GSG1L: variants seen among roughly 807,000 people sequenced by gnomAD.
GSG1L encodes GSG1 like.
GSG1L carries 24 observed loss-of-function variants against 42.1 expected under a neutral mutation model. That is an observed-to-expected ratio of 0.57 (90% CI 0.41 to 0.80). The LOEUF is 0.80. Ranked by LOEUF, GSG1L falls within the 30% of genes least tolerant of loss-of-function variation. The probability of loss-of-function intolerance (pLI) is 0.00; values close to 1 mark genes in which losing one functional copy is unlikely to be tolerated. For synonymous variants in GSG1L, 215 were observed against 203.5 expected, an observed-to-expected ratio of 1.06 and a Z score of -0.48; for missense variants, 445 against 472.2, an observed-to-expected ratio of 0.94 and a Z score of 0.53.
intron 3 of GSG1L, among the ~76,000 whole-genome samples, chr16:27,870,035 G>C (rs1483111962): frequency 1.7e-4 from 17 of 97,576 alleles, no homozygotes; most frequent in South Asian, 3.6e-4. Flanking sequence ...CCATCTCTCT[G>C]TCTCCTTCTC....
intron 5 of GSG1L, among the ~76,000 whole-genome samples, chr16:27,825,119 G>T (rs529696803): frequency 6.6e-6 from 1 of 152,318 alleles, no homozygotes; most frequent in Non-Finnish European, 1.5e-5. Flanking sequence ...AAGTGCTGGG[G>T]CACTGAATCA....
chr16:27,829,818 A>C (rs944528195), intron 4 of GSG1L, among the ~76,000 whole-genome samples: 1 of 152,226 alleles, frequency 6.6e-6, no homozygotes, highest in Non-Finnish European at 1.5e-5. Context: ...TCTGGCACAT[A>C]GTAGGCACTC....
At chr16:27,882,832 G>C (rs942677533) in intron 3 of GSG1L, among the ~76,000 whole-genome samples, 1 of 152,192 alleles carries the variant, frequency 6.6e-6, no homozygotes, top group Non-Finnish European at 1.5e-5. Flanking sequence ...TTGGCCAGAC[G>C]TGGTGGCTCA....
chr16:28,026,262 T>C (rs1338100570), intron 1 of GSG1L, among the ~76,000 whole-genome samples: 1 of 152,124 alleles, frequency 6.6e-6, no homozygotes, highest in Admixed American at 6.5e-5. Flanking sequence ...AGTCACTGTG[T>C]GTGACTGAAT....
At chr16:27,839,705 G>T (rs1233143520) in intron 4 of GSG1L, among the ~76,000 whole-genome samples, 1 of 152,196 alleles carries the variant, frequency 6.6e-6, no homozygotes, top group Non-Finnish European at 1.5e-5. Context: ...GGCAATGCTG[G>T]TTGTGCAGGA....
intron 5 of GSG1L, 40 bp downstream of exon 5, chr16:27,828,749 A>G (rs1375364652): frequency 1.3e-6 from 2 of 1,586,634 alleles, no homozygotes; most frequent in Non-Finnish European, 1.7e-6. Context: ...TGGGCTTTAG[A>G]GTCCCCGTGG....
intron 1 of GSG1L, 130 bp downstream of exon 1, chr16:28,062,946 G>A (rs1316213083): frequency 5.1e-6 from 6 of 1,177,168 alleles, no homozygotes; most frequent in Non-Finnish European, 6.3e-6. Context: ...GTCGCCCCTA[G>A]CCAGGCGGAG....
rs554948504 is a variant in GSG1L at position 28,034,052 on chromosome 16, C to T, written c.349+29024G>A. On this transcript the variant is annotated intron_variant, in intron 1 of 6. Transcript: ENST00000447459. ...CCCATGCAGGACTTGAGACTTGGGACTCATCCCATCCCATCCCAACCTATT... is the reference window on the plus strand; with the variant it reads ...CCCATGCAGGACTTGAGACTTGGGATTCATCCCATCCCATCCCAACCTATT... Among the ~76,000 whole-genome samples the T allele has an allele frequency of 4.0e-4, 61 of 152,212 alleles. No homozygotes were observed. In the South Asian group the frequency reaches 0.012, roughly 31 times the overall value.
chr16:27,920,604 G>A (rs1233078655), intron 2 of GSG1L, among the ~76,000 whole-genome samples: 1 of 152,224 alleles, frequency 6.6e-6, no homozygotes, highest in African/African-American at 2.4e-5. Flanking sequence ...AGCAGCCTGA[G>A]GAGCGTGGGC....
chr16:27,950,322 G>C (rs1355354416), intron 2 of GSG1L, among the ~76,000 whole-genome samples: 1 of 152,168 alleles, frequency 6.6e-6, no homozygotes, highest in Admixed American at 6.6e-5. Context: ...CTGTGGAAGA[G>C]TGAGCAGGCA....
intron 2 of GSG1L, among the ~76,000 whole-genome samples, chr16:27,912,396 A>C (rs1200179558): frequency 6.6e-6 from 1 of 152,212 alleles, no homozygotes; most frequent in African/African-American, 2.4e-5. Context: ...GTGCACCTGC[A>C]GTTCCAGCTA....
At chr16:28,049,838 G>A (rs1280203535) in intron 1 of GSG1L, among the ~76,000 whole-genome samples, 2 of 152,156 alleles carry the variant, frequency 1.3e-5, no homozygotes, top group African/African-American at 4.8e-5. Flanking sequence ...ATGTCACCTT[G>A]TCAAAGAAGT....
At chr16:27,947,045 C>T (rs568244627) in intron 2 of GSG1L, among the ~76,000 whole-genome samples, 1 of 152,330 alleles carries the variant, frequency 6.6e-6, no homozygotes, top group East Asian at 1.9e-4. Context: ...AGAGCCAGAG[C>T]TGGAATCTGA....
At chr16:28,062,867 G>A (rs1016585076) in intron 1 of GSG1L, among the ~76,000 whole-genome samples, 1 of 152,094 alleles carries the variant, frequency 6.6e-6, no homozygotes, top group Non-Finnish European at 1.5e-5. Context: ...TCTCCACGGC[G>A]GGGCGTCCCG....
At chr16:28,046,528 T>G (rs2086161224) in intron 1 of GSG1L, among the ~76,000 whole-genome samples, 1 of 152,012 alleles carries the variant, frequency 6.6e-6, no homozygotes, top group African/African-American at 2.4e-5. Context: ...TAATTTTTTG[T>G]ATTTTTAGTA....
intron 1 of GSG1L, among the ~76,000 whole-genome samples, chr16:28,006,584 C>G (rs2085642084): frequency 6.6e-6 from 1 of 152,120 alleles, no homozygotes; most frequent in Admixed American, 6.6e-5. Context: ...GCTGGGATTA[C>G]AGGCATGAGC....
chr16:27,973,443 A>AAAAAC, intron 1 of GSG1L, among the ~76,000 whole-genome samples: 1 of 109,380 alleles, frequency 9.1e-6, no homozygotes, highest in South Asian at 3.8e-4. Context: ...CCATCACAAA[A>AAAAAC]AAAAAAAAAA....
intron 3 of GSG1L, among the ~76,000 whole-genome samples, chr16:27,874,427 A>G (rs2083859667): frequency 7.0e-6 from 1 of 143,330 alleles, no homozygotes; most frequent in Non-Finnish European, 1.5e-5. Context: ...CTGGACACTG[A>G]AGCACAGGAG....
rs1368622905 is a variant in GSG1L, at chr16:28,059,322, C to G, written c.349+3754G>C. ...TCTCTGGGACTGTGGGAGGGGCCAC[C>G]GCGGTGTGGGGTGTGTTGGCTCCCC... On this transcript the variant is annotated intron_variant, in intron 1 of 6. Transcript: ENST00000447459. This position sits in a 1 kb window ranked among gnomAD's most constrained non-coding sequence, Gnocchi z 4.4. 3.3e-5 allele frequency among the ~76,000 whole-genome samples: 5 copies of G among 152,028 alleles called. No individual in the cohort carries two copies.
Sources: gnomAD v4.1 joint callset for allele counts (sites outside exome capture counted in the v4.1 genomes callset) on GRCh38, gnomAD v4.1.1 for gene constraint, Gnocchi (gnomAD v3.1) non-coding constraint, MANE v1.5 for transcripts, NCBI Gene and HGNC (gene_info 2026-07-23, HGNC 2026-07-21) for gene names.